Variants in EIPR1 observed in about 807,000 individuals in gnomAD.
EIPR1 encodes EARP complex and GARP complex interacting protein 1.
EIPR1 carries 25 observed loss-of-function variants against 48.1 expected under a neutral mutation model. The ratio of observed to expected loss-of-function variants is 0.52; its 90% CI spans 0.38 to 0.73. The LOEUF is 0.73. EIPR1 is among the 30% of genes least tolerant of loss of function. EIPR1 has a pLI of 0.00. For missense variants in EIPR1, 415 were observed against 506.2 expected, an observed-to-expected ratio of 0.82 and a Z score of 1.73; for synonymous variants, 204 against 201.9, an observed-to-expected ratio of 1.01 and a Z score of -0.09.
At chr2:3,219,930 G>A (rs964124426) in intron 4 of EIPR1, among the ~76,000 whole-genome samples, 4 of 152,188 alleles carry the variant, frequency 2.6e-5, no homozygotes, top group African/African-American at 4.8e-5. Context: ...GAACTAGGCC[G>A]CACAGCAGGA....
intron 4 of EIPR1, among the ~76,000 whole-genome samples, chr2:3,217,643 G>A (rs1665682937): frequency 6.6e-6 from 1 of 152,190 alleles, no homozygotes; most frequent in Admixed American, 6.5e-5. Context: ...GATTAGTGGA[G>A]AAGCCGCCCT....
At chr2:3,257,621 G>A in intron 3 of EIPR1, 166 bp from the exon 4 acceptor site, 1 of 729,128 alleles carries the variant, frequency 1.4e-6, no homozygotes, top group Non-Finnish European at 2.1e-6. Context: ...CACAGCCTGA[G>A]TCGGCAGGCA....
intron 3 of EIPR1, among the ~76,000 whole-genome samples, chr2:3,271,626 C>G (rs956025966): frequency 6.6e-6 from 1 of 152,182 alleles, no homozygotes; most frequent in Non-Finnish European, 1.5e-5. Context: ...CAACAGGGGG[C>G]TTAAAACATT....
At chr2:3,294,700 C>T (rs1324103415) in intron 3 of EIPR1, among the ~76,000 whole-genome samples, 1 of 142,624 alleles carries the variant, frequency 7.0e-6, no homozygotes, top group African/African-American at 2.6e-5. Flanking sequence ...ACCCTCCATC[C>T]AGCCCATCCT....
intron 3 of EIPR1, among the ~76,000 whole-genome samples, chr2:3,268,523 CA>C (rs1414146601): frequency 1.3e-5 from 2 of 152,200 alleles, no homozygotes; most frequent in Non-Finnish European, 2.9e-5. Flanking sequence ...GGAGTTTCTT[CA>C]CATCTGACGC....
At chr2:3,201,548 C>T (rs1214312751) in intron 5 of EIPR1, among the ~76,000 whole-genome samples, 1 of 152,204 alleles carries the variant, frequency 6.6e-6, no homozygotes, top group Non-Finnish European at 1.5e-5. Context: ...GGCACAGGCA[C>T]TGCAGGGAGG....
chr2:3,305,550 C>T (rs1668917113), intron 3 of EIPR1, among the ~76,000 whole-genome samples: 4 of 152,188 alleles, frequency 2.6e-5, no homozygotes, highest in Non-Finnish European at 4.4e-5. Flanking sequence ...CCTCCACTGC[C>T]GTCCAGTTCA....
intron 6 of EIPR1, 197 bp from the exon 7 acceptor site, chr2:3,194,363 C>T (rs1348561795): frequency 1.8e-6 from 1 of 563,704 alleles, no homozygotes; most frequent in Non-Finnish European, 3.1e-6. Flanking sequence ...TGTGGTCGCA[C>T]CACGCTCATC....
At chr2:3,339,958 C>CA (rs1468691610) in intron 2 of EIPR1, among the ~76,000 whole-genome samples, 2 of 152,138 alleles carry the variant, frequency 1.3e-5, no homozygotes, top group Non-Finnish European at 2.9e-5. Context: ...TCAACAACAA[C>CA]AAAAAAACTT....
intron 5 of EIPR1, among the ~76,000 whole-genome samples, chr2:3,209,615 A>T (rs931685401): frequency 1.3e-5 from 2 of 152,242 alleles, no homozygotes; most frequent in African/African-American, 4.8e-5. Context: ...GGGACAATGC[A>T]TAAAAGGAAA....
At chr2:3,308,508 GAA>G (rs111414436) in intron 3 of EIPR1, among the ~76,000 whole-genome samples, 1 of 150,960 alleles carries the variant, frequency 6.6e-6, no homozygotes, top group East Asian at 1.9e-4. Flanking sequence ...AAAATAGACG[GAA>G]AAAAAAATGA....
intron 3 of EIPR1, among the ~76,000 whole-genome samples, chr2:3,313,547 C>T (rs1669192485): frequency 6.6e-6 from 1 of 152,166 alleles, no homozygotes; most frequent in South Asian, 2.1e-4. Context: ...TTTATGTGGA[C>T]ATAAACGGGC....
At chr2:3,343,241 G>C (rs1185623524) in intron 2 of EIPR1, among the ~76,000 whole-genome samples, 2 of 152,180 alleles carry the variant, frequency 1.3e-5, no homozygotes, top group Admixed American at 6.5e-5. Flanking sequence ...CCAGCTGGAG[G>C]GAAGAACCAG....
intron 4 of EIPR1, among the ~76,000 whole-genome samples, chr2:3,216,956 G>A (rs1035351730): frequency 2.6e-5 from 4 of 152,132 alleles, no homozygotes; most frequent in Admixed American, 6.5e-5. Context: ...TTGAAGCTTC[G>A]AACACTGTGT....
In EIPR1 at chr2:3,253,110, C is replaced by G. The variant is rs1186884350; in HGVS notation, c.416+4189G>C. On this transcript the variant is annotated intron_variant, in intron 4 of 8. Transcript: ENST00000382125. Reference sequence around the variant, plus strand: ...TCTCGGAAGCTGCCACCTGAAGTTTCCTCTGCAATAAGAACTTGAGTCTCC... The same window carrying G: ...TCTCGGAAGCTGCCACCTGAAGTTTGCTCTGCAATAAGAACTTGAGTCTCC... Among the ~76,000 whole-genome samples, 3 of 152,274 alleles carry G rather than the reference C, an allele frequency of 2.0e-5. No individual in the cohort carries two copies. In the East Asian group the frequency reaches 5.8e-4, roughly 29 times the overall value.
rs140706057 is a variant in EIPR1, at chr2:3,214,245, G to A, written c.420C>T (p.Val140=). The change falls in exon 5 of 9, where the codon GTC becomes GTT. Residue 140 remains valine (V), a synonymous_variant. Coordinates refer to ENST00000382125, the MANE Select transcript of EIPR1 (RefSeq NM_003310.5). ...DNTAHGNMAC[V]VWEPMGDGKK... is the part of the protein sequence containing the mutation. Reference sequence around the variant, plus strand: ...TCCCATCTCCCATTGGCTCCCACACGACACTAAGAGAAAGAGAAGTACCAA... The same window carrying A: ...TCCCATCTCCCATTGGCTCCCACACAACACTAAGAGAAAGAGAAGTACCAA... 288 of 1,612,686 alleles carry A rather than the reference G, an allele frequency of 1.8e-4. No homozygotes were observed. The African/African-American group carries it at 3.2e-3, about 18-fold the overall frequency.
chr2:3,250,253 A>G (rs761196586), intron 4 of EIPR1, among the ~76,000 whole-genome samples: 1 of 152,308 alleles, frequency 6.6e-6, no homozygotes, highest in East Asian at 1.9e-4. Context: ...TGGGAGCCCA[A>G]TCCTCACACC....
rs145217550 is a variant in EIPR1 at position 3,196,164 on chromosome 2, G to C, written c.653+717C>G. Among the ~76,000 whole-genome samples, 8 of 152,340 alleles carry C rather than the reference G, an allele frequency of 5.3e-5. No individual in the cohort carries two copies. In the South Asian group the frequency reaches 8.3e-4, roughly 16 times the overall value. ...CAAGTGATTCTTTATTAGCCCCTGAGTTTTCAGAGGGGCCTTGGAACTAAA... is the reference window on the plus strand; with the variant it reads ...CAAGTGATTCTTTATTAGCCCCTGACTTTTCAGAGGGGCCTTGGAACTAAA... On this transcript the variant is annotated intron_variant, in intron 6 of 8. Transcript: ENST00000382125.
intron 5 of EIPR1, among the ~76,000 whole-genome samples, chr2:3,206,962 G>T (rs1029278454): frequency 6.6e-6 from 1 of 152,156 alleles, no homozygotes; most frequent in African/African-American, 2.4e-5. Flanking sequence ...ATCATTCGCT[G>T]GCTTTGGGGA....
Sources: gnomAD v4.1 joint callset for allele counts (sites outside exome capture counted in the v4.1 genomes callset) on GRCh38, gnomAD v4.1.1 for gene constraint, MANE v1.5 for transcripts, NCBI Gene and HGNC (gene_info 2026-07-23, HGNC 2026-07-21) for gene names.